Variants in NXPE4 observed in about 807,000 individuals in gnomAD.
The protein encoded by NXPE4 is neurexophilin and PC-esterase domain family member 4.
A neutral mutation model predicts 33.3 loss-of-function variants in NXPE4; 42 were observed. The observed-to-expected ratio is 1.26, with a 90% CI of 0.98 to 1.63. NXPE4 has a LOEUF of 1.63. Among genes scored for constraint, NXPE4 ranks in the 40% most tolerant of loss-of-function variants. The pLI, the probability that NXPE4 is intolerant of heterozygous loss-of-function variation, is 0.00. For synonymous variants in NXPE4, 253 were observed against 234.9 expected, an observed-to-expected ratio of 1.08 and a Z score of -0.71; for missense variants, 709 against 647.6, an observed-to-expected ratio of 1.09 and a Z score of -1.03.
At chr11:114,621,889 T>A in the NXPE4 span, among the ~76,000 whole-genome samples, 2 of 151,890 alleles carry the variant, frequency 1.3e-5, no homozygotes, top group Non-Finnish European at 1.5e-5. Flanking sequence ...TAATAAGTAT[T>A]GATTTGTGGG....
At chr11:114,671,607 G>T in the NXPE4 span, among the ~76,000 whole-genome samples, 4 of 151,958 alleles carry the variant, frequency 2.6e-5, no homozygotes, top group Non-Finnish European at 5.9e-5. Context: ...TTTAGAAACA[G>T]TGGCACCAGA....
Position 114,582,461 on chromosome 11 carries a change from A to C in NXPE4, c.657T>G (p.Cys219Trp). The stretch of plus-strand genomic sequence containing the variant: ...CAGCATTTGTGTTTAGGATCAGGCC[A>C]CATTCAGAGTGGACTTGGGAAGTGC... ...VNGTSQVHSECGLILNTNAEL... is the reference protein window; with the variant it reads ...VNGTSQVHSEWGLILNTNAEL... The change falls in exon 3 of 6, where the codon TGT becomes TGG. Residue 219 changes from cysteine (C) to tryptophan (W), a missense_variant. Transcript: ENST00000375478. The C allele has an allele frequency of 1.9e-6, 3 of 1,614,168 alleles. No individual in the cohort carries two copies. The highest frequency in any genetic ancestry group is 2.5e-6 in the Non-Finnish European group (3 of 1,180,004).
chr11:114,640,965 AG>A, the NXPE4 span, among the ~76,000 whole-genome samples: 1 of 152,040 alleles, frequency 6.6e-6, no homozygotes. Flanking sequence ...GAACACATAG[AG>A]CAAGAATTAG....
the NXPE4 span, among the ~76,000 whole-genome samples, chr11:114,639,263 C>G: frequency 6.6e-6 from 1 of 152,112 alleles, no homozygotes; most frequent in Admixed American, 6.6e-5. Flanking sequence ...GCATAGGACC[C>G]TCCGAGCCAG....
At chr11:114,619,422 G>A in the NXPE4 span, among the ~76,000 whole-genome samples, 1 of 151,958 alleles carries the variant, frequency 6.6e-6, no homozygotes, top group South Asian at 2.1e-4. Flanking sequence ...GTTGCCTCGT[G>A]GGTAACCACT....
At chr11:114,601,967 A>G in the NXPE4 span, among the ~76,000 whole-genome samples, 15,662 of 81,756 alleles carry the variant, frequency 0.19, 1,695 homozygotes, top group African/African-American at 0.29. Context: ...ATTATATATT[A>G]TATATTCTGT....
At chr11:114,583,161 T>A (rs900866642) in intron 2 of NXPE4, 140 bp from the exon 3 acceptor site, 2 of 917,210 alleles carry the variant, frequency 2.2e-6, no homozygotes, top group Admixed American at 2.4e-5. Context: ...TTGATTTACA[T>A]ACTATTATCA....
At chr11:114,602,966 C>G in the NXPE4 span, among the ~76,000 whole-genome samples, 2 of 149,670 alleles carry the variant, frequency 1.3e-5, no homozygotes, top group African/African-American at 4.9e-5. Context: ...TATACAATTA[C>G]AGAATCATAT....
At chr11:114,633,079 TTA>T in the NXPE4 span, among the ~76,000 whole-genome samples, 2 of 119,670 alleles carry the variant, frequency 1.7e-5, no homozygotes, top group Non-Finnish European at 3.2e-5. Context: ...TTTTTATAAT[TTA>T]TCTTTTATGT....
At chr11:114,626,233 A>C in the NXPE4 span, among the ~76,000 whole-genome samples, 1 of 152,220 alleles carries the variant, frequency 6.6e-6, no homozygotes, top group Non-Finnish European at 1.5e-5. Context: ...GGGCACAGAC[A>C]AACAAAAAGA....
the NXPE4 span, among the ~76,000 whole-genome samples, chr11:114,620,325 A>G: frequency 1.1e-3 from 164 of 152,140 alleles, no homozygotes; most frequent in African/African-American, 3.9e-3. Flanking sequence ...CCTGGTGGAT[A>G]ATAAATATTG....
chr11:114,571,509 G>A, intron 5 of NXPE4, 36 bp from the exon 6 acceptor site: 1 of 1,532,130 alleles, frequency 6.5e-7, no homozygotes, highest in Non-Finnish European at 8.8e-7. Context: ...ATAAAAGGAG[G>A]ATATAGTTAC....
At chr11:114,651,302 GAGTGA>G in the NXPE4 span, among the ~76,000 whole-genome samples, 3 of 151,980 alleles carry the variant, frequency 2.0e-5, no homozygotes, top group East Asian at 5.8e-4. Context: ...CTGACTTTAG[GAGTGA>G]AGCCGCAGAC....
the NXPE4 span, among the ~76,000 whole-genome samples, chr11:114,674,901 A>G: frequency 5.9e-5 from 9 of 151,888 alleles, no homozygotes; most frequent in East Asian, 1.9e-4. Flanking sequence ...CAAAAATCCA[A>G]AACAAAATAC....
chr11:114,646,440 G>T, the NXPE4 span, among the ~76,000 whole-genome samples: 1,388 of 151,948 alleles, frequency 9.1e-3, 19 homozygotes, highest in African/African-American at 0.032. Context: ...TTTCTGTTAT[G>T]AAAACATTCT....
At position 114,571,219 on chromosome 11, in the gene NXPE4, G is replaced by A; in HGVS notation, c.1354C>T (p.Leu452Phe). The A allele has an allele frequency of 2.5e-6, 4 of 1,614,014 alleles. No individual in the cohort carries two copies. The highest frequency in any genetic ancestry group is 3.4e-6 in the Non-Finnish European group (4 of 1,179,954). Reference sequence around the variant, plus strand: ...TGCTGAATGGCTTTGTGGACATTGAGGGCCCTTCGGATAAAAACATCAATG... The same window carrying A: ...TGCTGAATGGCTTTGTGGACATTGAAGGCCCTTCGGATAAAAACATCAATG... ...FPIDVFIRRALNVHKAIQHLL... is the reference protein window; with the variant it reads ...FPIDVFIRRAFNVHKAIQHLL... Residue 452 changes from leucine (L) to phenylalanine (F), a missense_variant, in exon 6 of 6, where the codon CTC becomes TTC. By Grantham distance (22) the Leu-to-Phe change is conservative (BLOSUM62 0). Coordinates refer to ENST00000375478, the MANE Select transcript of NXPE4 (RefSeq NM_001077639.2).
At chr11:114,623,006 T>C in the NXPE4 span, among the ~76,000 whole-genome samples, 1 of 152,058 alleles carries the variant, frequency 6.6e-6, no homozygotes, top group African/African-American at 2.4e-5. Context: ...TGGTGGATAA[T>C]AAGTGTTGCC....
At chr11:114,649,410 A>G in the NXPE4 span, among the ~76,000 whole-genome samples, 1 of 152,340 alleles carries the variant, frequency 6.6e-6, no homozygotes, top group African/African-American at 2.4e-5. Context: ...AATGAAAAGG[A>G]ATGAACTACT....
chr11:114,615,864 C>G, the NXPE4 span, among the ~76,000 whole-genome samples: 1 of 151,600 alleles, frequency 6.6e-6, no homozygotes, highest in Admixed American at 6.6e-5. Flanking sequence ...CGTGTGTAAG[C>G]ACTGTGACCT....
Sources: gnomAD v4.1 joint callset for allele counts (sites outside exome capture counted in the v4.1 genomes callset) on GRCh38, gnomAD v4.1.1 for gene constraint, MANE v1.5 for transcripts, NCBI Gene and HGNC (gene_info 2026-07-23, HGNC 2026-07-21) for gene names.